The following MAP1LC3C variants were observed in gnomAD, a reference collection of about 807,000 sequenced individuals.
MAP1LC3C encodes the protein microtubule associated protein 1 light chain 3 gamma.
Under a neutral mutation model 10.4 loss-of-function variants are expected in MAP1LC3C, and 12 were observed. That is an observed-to-expected ratio of 1.15 (90% CI 0.74 to 1.86). The LOEUF is 1.86. Among genes scored for constraint, MAP1LC3C ranks in the 40% most tolerant of loss-of-function variants. MAP1LC3C has a pLI of 0.00. For synonymous variants in MAP1LC3C, 70 were observed against 69.0 expected (o/e 1.01, Z -0.07); for missense variants, 177 against 185.7 (o/e 0.95, Z 0.27).
chr1:241,996,338 T>C lies in MAP1LC3C; in HGVS notation c.269A>G (p.Asn90Ser). The change falls in exon 4 of 4, where the codon AAC (asparagine) becomes AGC (serine). Residue 90 changes from asparagine to serine, a missense_variant. Asn to Ser is a conservative substitution (Grantham distance 46). Transcript: ENST00000357246. ...GCTCATGCTGACCAGGCTCTTGTTG[T>C]TCACCAGCAAGTAAAAGGCTTCCGT... Reference protein sequence around the residue: ...RATEAFYLLVNNKSLVSMSAT... With the variant: ...RATEAFYLLVSNKSLVSMSAT... 2 of 1,614,154 alleles carry C rather than the reference T, an allele frequency of 1.2e-6. No individual in the cohort carries two copies. Among genetic ancestry groups the C allele is most frequent in the South Asian group, 1.1e-5 (1 of 91,084 alleles).
At chr1:241,998,483 C>T (rs1159467622) in intron 3 of MAP1LC3C, 31 bp downstream of exon 3, 2 of 1,603,816 alleles carry the variant, frequency 1.2e-6, no homozygotes, top group Middle Eastern at 3.3e-4. Context: ...CCCAGCGCAC[C>T]TTCCTCCGGG....
rs750665926 is a variant in MAP1LC3C at position 241,998,539 on chromosome 1, T to A, written c.196A>T (p.Met66Leu). Reference protein sequence around the residue: ...TKFLVPQELTMTQFLSIIRSR... With the variant: ...TKFLVPQELTLTQFLSIIRSR... ...CGGATGATGCTGAGGAACTGGGTCA[T>A]GGTCAGCTCCTGCGGGACCAGGAAC... Residue 66 changes from methionine (M) to leucine (L), a missense_variant, in exon 3 of 4, where the codon ATG becomes TTG. Physicochemically the swap from Met to Leu is conservative, Grantham distance 15 (BLOSUM62 2). Transcript: ENST00000357246. 1 of 1,613,936 alleles carries A rather than the reference T, an allele frequency of 6.2e-7. No individual in the cohort carries two copies.
In MAP1LC3C at chr1:241,999,040, G is replaced by GAA; in HGVS notation, c.-34_-33dup. On this transcript the variant is annotated 5_prime_UTR_variant, in exon 1 of 4. Coordinates refer to ENST00000357246, the MANE Select transcript of MAP1LC3C (RefSeq NM_001004343.3). ...CAGTAGCTGTGTCTGTTTTAAAAAA[G>GAA]AAAAAAAAACTGTCCCGCAACCGGG... The GAA allele has an allele frequency of 6.4e-7, 1 of 1,561,292 alleles. No homozygotes were observed. The highest frequency in any genetic ancestry group is 8.6e-7 in the Non-Finnish European group (1 of 1,160,526).
chr1:241,995,988 C>A lies in MAP1LC3C; in HGVS notation c.*175G>T. ...CATTTTTCTTAGAAGGACACAAGAA[C>A]ACGGAGCACAAAAACTAAACTAGGA... On this transcript the variant is annotated 3_prime_UTR_variant, in exon 4 of 4. Transcript: ENST00000357246. 1.9e-6 allele frequency: 1 copy of A among 528,916 alleles called. No individual in the cohort carries two copies. The highest frequency in any genetic ancestry group is 3.5e-5 in the South Asian group (1 of 28,924). The allele number at this position is 528,916 out of a possible 1,614,324, so 32.8% of individuals were successfully genotyped here.
rs58237405 is a variant in MAP1LC3C, at chr1:241,998,021, C to CTTTTTTTTTTTTTTTT, written c.221+477_221+492dup. Among the ~76,000 whole-genome samples the CTTTTTTTTTTTTTTTT allele has an allele frequency of 2.7e-4, 26 of 95,414 alleles. 1 individual carries two copies. Among genetic ancestry groups the CTTTTTTTTTTTTTTTT allele is most frequent in the South Asian group, 3.6e-4 (1 of 2,762 alleles). 62.6% of individuals were successfully genotyped at this position (95,414 alleles called of 152,430 possible). ...CTTACCTGTTTAAAATAGAGTAATT[C>CTTTTTTTTTTTTTTTT]TTTTTTTTTTTTTTTTTTTTTTGAG... On this transcript the variant is annotated intron_variant, in intron 3 of 3. Transcript: ENST00000357246.
chr1:241,996,017 G>T lies in MAP1LC3C; in HGVS notation c.*146C>A. Reference sequence around the variant, plus strand: ...GAGCACAAAAACTAAACTAGGAAGAGCCACCACTCTGCTGCCACTGGTTGG... The same window carrying T: ...GAGCACAAAAACTAAACTAGGAAGATCCACCACTCTGCTGCCACTGGTTGG... On this transcript the variant is annotated 3_prime_UTR_variant, in exon 4 of 4. Coordinates refer to ENST00000357246, the MANE Select transcript of MAP1LC3C (RefSeq NM_001004343.3). The T allele has an allele frequency of 1.6e-6, 1 of 609,916 alleles. No homozygotes were observed. The highest frequency in any genetic ancestry group is 2.7e-6 in the Non-Finnish European group (1 of 365,202). The allele number at this position is 609,916 out of a possible 1,614,324, so 37.8% of individuals were successfully genotyped here.
upstream of MAP1LC3C, among the ~76,000 whole-genome samples, chr1:241,999,996 C>G (rs2148601705): frequency 6.6e-6 from 1 of 152,260 alleles, no homozygotes; most frequent in Middle Eastern, 3.4e-3. Flanking sequence ...GGAAACCAAA[C>G]TCCATTTCTC....
At chr1:242,000,328 C>T (rs28723454), upstream of MAP1LC3C, among the ~76,000 whole-genome samples, 6,253 of 152,248 alleles carry the variant, frequency 0.041, 141 homozygotes, top group Middle Eastern at 0.048. Flanking sequence ...GCAATCTCTG[C>T]CTCCTGAGTT....
At chr1:241,999,864 G>A (rs1003219032), upstream of MAP1LC3C, among the ~76,000 whole-genome samples, 1 of 152,132 alleles carries the variant, frequency 6.6e-6, no homozygotes, top group Non-Finnish European at 1.5e-5. Context: ...GGAAGTCCAA[G>A]TACTACACTC....
intron 3 of MAP1LC3C, 56 bp downstream of exon 3, chr1:241,998,450 GAAAGCCCA>G: frequency 7.0e-7 from 1 of 1,419,182 alleles, no homozygotes; most frequent in Non-Finnish European, 9.9e-7. Flanking sequence ...GCCAAACGAA[GAAAGCCCA>G]ACAGCCCCGG....
intron 3 of MAP1LC3C, among the ~76,000 whole-genome samples, chr1:241,997,822 C>G (rs570152889): frequency 6.6e-6 from 1 of 152,172 alleles, no homozygotes; most frequent in South Asian, 2.1e-4. Context: ...CCTAGGCACA[C>G]ATACACTTGG....
At chr1:241,997,045 C>T (rs531186159) in intron 3 of MAP1LC3C, among the ~76,000 whole-genome samples, 5 of 151,080 alleles carry the variant, frequency 3.3e-5, no homozygotes, top group South Asian at 2.1e-4. Context: ...ATGACAGGCA[C>T]GCAACACCAC....
At chr1:241,998,649 T>G (rs755976464) in intron 2 of MAP1LC3C, 29 bp from the exon 3 acceptor site, 1 of 1,606,506 alleles carries the variant, frequency 6.2e-7, no homozygotes, top group Admixed American at 1.7e-5. Flanking sequence ...CTTAAGAATG[T>G]GACTCAGCGT....
chr1:241,996,909 C>CAAA (rs71174887), intron 3 of MAP1LC3C, among the ~76,000 whole-genome samples: 441 of 42,762 alleles, frequency 0.01, 34 homozygotes, highest in Admixed American at 0.017. Flanking sequence ...GACTGCGTCT[C>CAAA]AAAAAAAAAA....
Position 241,998,955 on chromosome 1 carries a change from G to C in MAP1LC3C, c.54C>G (p.Ser18Arg), listed in dbSNP as rs1198341975. ...PSVRPFKQRK[S>R]LAIRQEEVAG... ...AAGCTACCCCAAGAAATTTACCCAA[G>C]CTTTTCCTCTGCTTGAAGGGTCTGA... is the stretch of plus-strand genomic sequence containing the variant. Residue 18 changes from serine to arginine, a missense_variant, in exon 1 of 4, where the codon AGC becomes AGG. Ser to Arg is a moderately radical substitution (Grantham distance 110, BLOSUM62 -1). Transcript: ENST00000357246. The C allele has an allele frequency of 6.2e-7, 1 of 1,612,276 alleles. No individual in the cohort carries two copies. The highest frequency in any genetic ancestry group is 1.3e-5 in the African/African-American group (1 of 74,704).
upstream of MAP1LC3C, among the ~76,000 whole-genome samples, chr1:242,000,164 C>G (rs1574238358): frequency 6.6e-6 from 1 of 152,314 alleles, no homozygotes; most frequent in East Asian, 1.9e-4. Context: ...GAGACAGCAT[C>G]AGATCGGGCT....
In MAP1LC3C at chr1:241,998,580, G is replaced by A. The variant is rs576105560; in HGVS notation, c.155C>T (p.Pro52Leu). The change falls in exon 3 of 4, where the codon CCG becomes CTG. Residue 52 changes from proline to leucine, a missense_variant. By Grantham distance (98) the Pro-to-Leu change is moderately conservative. Coordinates refer to ENST00000357246, the MANE Select transcript of MAP1LC3C (RefSeq NM_001004343.3). ...GACCAGGAACTTGGTTTTGTCCAGC[G>A]GGGGCAGGAACGTCTCCCTGGGGTA... ...ERYPRETFLP[P>L]LDKTKFLVPQ... 3.8e-5 allele frequency: 62 copies of A among 1,612,970 alleles called. 1 individual carries two copies. Among genetic ancestry groups the A allele is most frequent in the South Asian group, 6.6e-5 (6 of 90,846 alleles).
chr1:241,996,033 C>A lies in MAP1LC3C; in HGVS notation c.*130G>T. The A allele has an allele frequency of 1.4e-6, 1 of 699,010 alleles. No homozygotes were observed. The highest frequency in any genetic ancestry group is 2.6e-5 in the South Asian group (1 of 38,508). The allele number at this position is 699,010 out of a possible 1,614,324, so 43.3% of individuals were successfully genotyped here. A position where few individuals can be genotyped will look rare whatever the true frequency, so the allele number is the denominator to read the frequency against. On this transcript the variant is annotated 3_prime_UTR_variant, in exon 4 of 4. Transcript: ENST00000357246. ...CTAGGAAGAGCCACCACTCTGCTGC[C>A]ACTGGTTGGAGCTGATCACCCCAGG...
chr1:241,997,185 C>T (rs1007244150), intron 3 of MAP1LC3C, among the ~76,000 whole-genome samples: 2 of 152,078 alleles, frequency 1.3e-5, no homozygotes, highest in Non-Finnish European at 2.9e-5. Context: ...CAGTGTGAGC[C>T]ACTGCGCCTG....
Sources: allele counts gnomAD v4.1 joint callset (sites outside exome capture counted in the v4.1 genomes callset), GRCh38; gene constraint gnomAD v4.1.1; transcripts MANE v1.5; gene names NCBI Gene and HGNC (gene_info 2026-07-23, HGNC 2026-07-21).